Variants in DLG2 observed in about 807,000 individuals in gnomAD.
The protein encoded by DLG2 is disks large homolog 2.
Under a neutral mutation model 132.5 loss-of-function variants are expected in DLG2, and 45 were observed. That is an observed-to-expected ratio of 0.34 (90% CI 0.27 to 0.44). The LOEUF is 0.44. Among genes scored for constraint, DLG2 ranks in the 20% least tolerant of loss-of-function variants. The pLI is 1.00. For missense variants in DLG2, 1,045 were observed against 1,196.9 expected (o/e 0.87, Z 1.87); for synonymous variants, 424 against 419.6 (o/e 1.01, Z -0.13).
At chr11:84,401,286 A>T (rs2098828468) in intron 7 of DLG2, among the ~76,000 whole-genome samples, 1 of 152,124 alleles carries the variant, frequency 6.6e-6, no homozygotes, top group Admixed American at 6.5e-5. Context: ...ATGCCCTCAA[A>T]ACCCCCTGTA....
At chr11:84,903,502 C>G (rs1469677107) in intron 6 of DLG2, among the ~76,000 whole-genome samples, 1 of 152,102 alleles carries the variant, frequency 6.6e-6, no homozygotes, top group Non-Finnish European at 1.5e-5. Flanking sequence ...ATAAGCTACT[C>G]AGGGGCAGGA....
intron 3 of DLG2, among the ~76,000 whole-genome samples, chr11:85,504,121 C>G (rs2093871845): frequency 6.6e-6 from 1 of 152,258 alleles, no homozygotes; most frequent in Middle Eastern, 3.4e-3. Flanking sequence ...AGCTCTTTGT[C>G]AGATGGGTAG....
At position 84,653,254 on chromosome 11, in the gene DLG2, A is replaced by C. The variant is rs2099684302; in HGVS notation, c.358-118523T>G. On this transcript the variant is annotated intron_variant, in intron 6 of 27. Coordinates refer to ENST00000376104, the MANE Select transcript of DLG2 (RefSeq NM_001142699.3). Reference sequence around the variant, plus strand: ...CCAATATTAGATTTTTAATAATTAAAGTAGATGTGATTCCAGACTTGACAG... The same window carrying C: ...CCAATATTAGATTTTTAATAATTAACGTAGATGTGATTCCAGACTTGACAG... Among the ~76,000 whole-genome samples the C allele has an allele frequency of 3.3e-5, 5 of 152,160 alleles. No individual in the cohort carries two copies. The South Asian group carries it at 1.0e-3, about 32-fold the overall frequency.
chr11:83,946,477 GA>G (rs1476581708), intron 14 of DLG2, among the ~76,000 whole-genome samples: 1 of 152,206 alleles, frequency 6.6e-6, no homozygotes, highest in Non-Finnish European at 1.5e-5. Context: ...GTTTTCTAAA[GA>G]GATTTCACAG....
At chr11:84,947,054 C>G (rs2050306797) in intron 6 of DLG2, among the ~76,000 whole-genome samples, 1 of 152,212 alleles carries the variant, frequency 6.6e-6, no homozygotes, top group Admixed American at 6.5e-5. Flanking sequence ...CCCAAGCACA[C>G]AGATTCTATG....
At chr11:85,518,333 G>T (rs370847413) in intron 3 of DLG2, among the ~76,000 whole-genome samples, 2 of 152,292 alleles carry the variant, frequency 1.3e-5, no homozygotes, top group East Asian at 3.9e-4. Context: ...CCAGGCTGAG[G>T]TGGTCTCAGA....
At chr11:83,916,423 C>G (rs2076934750) in intron 15 of DLG2, among the ~76,000 whole-genome samples, 1 of 151,924 alleles carries the variant, frequency 6.6e-6, no homozygotes, top group African/African-American at 2.4e-5. Context: ...TCAAGTGACT[C>G]TCCTGTCTCA....
chr11:84,838,421 C>A, intron 6 of DLG2, among the ~76,000 whole-genome samples: 1 of 150,466 alleles, frequency 6.6e-6, no homozygotes, highest in Admixed American at 6.6e-5. Context: ...AAGGAGGATG[C>A]CATGTTGCAT....
chr11:84,763,473 A>G (rs528713957), intron 6 of DLG2: 1 of 151,906 alleles, frequency 6.6e-6, no homozygotes, highest in Non-Finnish European at 1.5e-5. Context: ...CCTCATTTGG[A>G]TCCATATTTC....
chr11:83,825,026 ATTGT>A (rs2052097771), intron 17 of DLG2, among the ~76,000 whole-genome samples: 1 of 149,454 alleles, frequency 6.7e-6, no homozygotes, highest in Non-Finnish European at 1.5e-5. Flanking sequence ...CACAGATTTT[ATTGT>A]TTTTCTTTTT....
intron 6 of DLG2, among the ~76,000 whole-genome samples, chr11:84,657,466 T>A (rs1459560390): frequency 6.6e-6 from 1 of 152,098 alleles, no homozygotes; most frequent in Admixed American, 6.6e-5. Flanking sequence ...GGACCAGAAG[T>A]CCTCAACCCT....
chr11:84,192,902 T>C (rs889980900), intron 8 of DLG2, among the ~76,000 whole-genome samples: 1 of 152,040 alleles, frequency 6.6e-6, no homozygotes, highest in African/African-American at 2.4e-5. Flanking sequence ...TCTTTAGAAA[T>C]TGGGGAGAGA....
At chr11:83,778,515 T>C (rs868370975) in intron 18 of DLG2, among the ~76,000 whole-genome samples, 9 of 152,160 alleles carry the variant, frequency 5.9e-5, no homozygotes, top group Middle Eastern at 3.2e-3. Context: ...TGAAAGTTTT[T>C]ATGGGGATGT....
At chr11:85,565,838 T>G (rs184073713) in intron 3 of DLG2, among the ~76,000 whole-genome samples, 2 of 152,248 alleles carry the variant, frequency 1.3e-5, no homozygotes, top group Non-Finnish European at 2.9e-5. Context: ...TGTGTAAATA[T>G]ATATATTTTC....
chr11:84,841,574 T>A (rs17808571), intron 6 of DLG2, among the ~76,000 whole-genome samples: 19,736 of 151,986 alleles, frequency 0.13, 1,750 homozygotes, highest in Non-Finnish European at 0.18. Context: ...GCTAGAACAG[T>A]ACCTGGTAGA....
intron 4 of DLG2, among the ~76,000 whole-genome samples, chr11:85,282,205 G>C (rs1459723618): frequency 6.6e-6 from 1 of 151,928 alleles, no homozygotes; most frequent in Non-Finnish European, 1.5e-5. Context: ...ACAAGGGTCT[G>C]TGAAGGTAAT....
chr11:85,624,650 C>T (rs1565779503), intron 2 of DLG2, among the ~76,000 whole-genome samples: 1 of 152,086 alleles, frequency 6.6e-6, no homozygotes, highest in African/African-American at 2.4e-5. Flanking sequence ...ACTTGTTTGG[C>T]TAGTTGTCTA....
intron 4 of DLG2, among the ~76,000 whole-genome samples, chr11:85,221,580 G>A (rs2074648400): frequency 6.6e-6 from 1 of 152,100 alleles, no homozygotes; most frequent in South Asian, 2.1e-4. Flanking sequence ...CATTTTTATG[G>A]TGATCTCAAG....
chr11:84,938,993 A>G (rs1307637355), intron 6 of DLG2, among the ~76,000 whole-genome samples: 3 of 152,228 alleles, frequency 2.0e-5, no homozygotes, highest in Non-Finnish European at 2.9e-5. Context: ...AAACGGCTAA[A>G]ATTTCCTTTA....
Sources: allele counts gnomAD v4.1 joint callset (sites outside exome capture counted in the v4.1 genomes callset), GRCh38; gene constraint gnomAD v4.1.1; transcripts MANE v1.5; gene names NCBI Gene and HGNC (gene_info 2026-07-23, HGNC 2026-07-21).